The following TRIM71 variants were observed in gnomAD, a reference collection of about 807,000 sequenced individuals.
TRIM71 encodes tripartite motif containing 71.
TRIM71 carries 9 observed loss-of-function variants against 61.2 expected under a neutral mutation model. That is an observed-to-expected ratio of 0.15 (90% CI 0.09 to 0.26). The LOEUF (loss-of-function observed/expected upper bound fraction) is 0.26, where lower values mean the gene tolerates loss of function less well. Ranked by LOEUF, TRIM71 falls within the 10% of genes least tolerant of loss-of-function variation. The probability of loss-of-function intolerance (pLI) is 1.00; values close to 1 mark genes in which losing one functional copy is unlikely to be tolerated. For missense variants in TRIM71, 998 were observed against 1,238.7 expected (o/e 0.81, Z 2.92); for synonymous variants, 645 against 553.2 (o/e 1.17, Z -2.33).
chr3:32,876,115 C>A (rs1696849901), intron 2 of TRIM71, among the ~76,000 whole-genome samples: 1 of 152,164 alleles, frequency 6.6e-6, no homozygotes, highest in Non-Finnish European at 1.5e-5. Context: ...TTGTCAGTGT[C>A]TTCACCTGTG....
In TRIM71 at chr3:32,893,707, T is replaced by C. The variant is rs567752894; in HGVS notation, c.*1896T>C. The C allele has an allele frequency of 6.6e-6, 1 of 152,320 alleles. No individual in the cohort carries two copies. Among genetic ancestry groups the C allele is most frequent in the African/African-American group, 2.4e-5 (1 of 41,578 alleles). 9.4% of individuals were successfully genotyped at this position (152,320 alleles called of 1,614,324 possible). A position where few individuals can be genotyped will look rare whatever the true frequency, so the allele number is the denominator to read the frequency against. On this transcript the variant is annotated 3_prime_UTR_variant, in exon 4 of 4. Transcript: ENST00000383763. ...GAGCAATTTGTTTCTGTTATCCCAA[T>C]AGAAAAGGAGATGATGGGGACAGTG...
Position 32,891,961 on chromosome 3 carries a change from A to G in TRIM71, c.*150A>G. Reference sequence around the variant, plus strand: ...TTTTTTTTTTTTAAAGAGAACAAGAAAAGTACAACATTGCTTAAGTCCTAC... The same window carrying G: ...TTTTTTTTTTTTAAAGAGAACAAGAGAAGTACAACATTGCTTAAGTCCTAC... On this transcript the variant is annotated 3_prime_UTR_variant, in exon 4 of 4. Transcript: ENST00000383763. The surrounding 1 kb of genome is among the most constrained non-coding windows in gnomAD (Gnocchi z 8.2). 3.5e-6 allele frequency: 4 copies of G among 1,138,536 alleles called. No homozygotes were observed. The highest frequency in any genetic ancestry group is 4.8e-6 in the Non-Finnish European group (4 of 837,008). 70.5% of individuals were successfully genotyped at this position (1,138,536 alleles called of 1,614,324 possible).
Position 32,891,881 on chromosome 3 carries a change from T to C in TRIM71, c.*70T>C, listed in dbSNP as rs1697030649. On this transcript the variant is annotated 3_prime_UTR_variant, in exon 4 of 4. Coordinates refer to ENST00000383763, the MANE Select transcript of TRIM71 (RefSeq NM_001039111.3). This position sits in a 1 kb window ranked among gnomAD's most constrained non-coding sequence, Gnocchi z 8.2. ...CTCTCTCTCTCTCTCTCTTTCTCTT[T>C]CTCTCTCTTTTTGAATTTCAAAGAA... 6.9e-7 allele frequency: 1 copy of C among 1,447,412 alleles called. No individual in the cohort carries two copies. Among genetic ancestry groups the C allele is most frequent in the South Asian group, 1.3e-5 (1 of 76,430 alleles). The allele number at this position is 1,447,412 out of a possible 1,614,324, so 89.7% of individuals were successfully genotyped here. A position where few individuals can be genotyped will look rare whatever the true frequency, so the allele number is the denominator to read the frequency against.
At chr3:32,834,138 C>A (rs913542945) in intron 1 of TRIM71, among the ~76,000 whole-genome samples, 2 of 152,192 alleles carry the variant, frequency 1.3e-5, no homozygotes, top group African/African-American at 2.4e-5. Context: ...CTCAGAGTTA[C>A]CTCCATGTGT....
intron 3 of TRIM71, among the ~76,000 whole-genome samples, chr3:32,886,364 C>T (rs949898305): frequency 1.3e-5 from 2 of 152,138 alleles, no homozygotes; most frequent in Admixed American, 6.5e-5. Context: ...GGAGCATAGT[C>T]GAAACTGTTG....
intron 1 of TRIM71, among the ~76,000 whole-genome samples, chr3:32,843,440 G>A (rs1008290565): frequency 6.6e-6 from 1 of 152,118 alleles, no homozygotes; most frequent in East Asian, 1.9e-4. Context: ...CAGGGGCCTC[G>A]AAGTAAGGGA....
chr3:32,846,952 G>C (rs1453265803), intron 1 of TRIM71, among the ~76,000 whole-genome samples: 1 of 152,026 alleles, frequency 6.6e-6, no homozygotes, highest in Non-Finnish European at 1.5e-5. Context: ...GTGAATATGA[G>C]AGGACAGATA....
chr3:32,890,822 G>T lies in TRIM71; in HGVS notation c.1618G>T (p.Val540Leu), dbSNP rs1234283216. ...GPDGNLFGAE[V>L]SDQQNGTYVV... is the part of the protein sequence containing the mutation. ...TGATGGCAACCTGTTTGGTGCAGAG[G>T]TGAGTGATCAGCAGAATGGGACATA... Residue 540 changes from valine to leucine, a missense_variant, in exon 4 of 4, where the codon GTG becomes TTG. Coordinates refer to ENST00000383763, the MANE Select transcript of TRIM71 (RefSeq NM_001039111.3). The surrounding 1 kb of genome is among the most constrained non-coding windows in gnomAD (Gnocchi z 6.2). 1 of 1,614,214 alleles carries T rather than the reference G, an allele frequency of 6.2e-7. No homozygotes were observed.
intron 1 of TRIM71, among the ~76,000 whole-genome samples, chr3:32,872,011 G>A (rs553815263): frequency 6.6e-6 from 1 of 152,164 alleles, no homozygotes; most frequent in African/African-American, 2.4e-5. Flanking sequence ...GGGCGTGGTG[G>A]CAGGCACCTT....
At chr3:32,848,598 G>T (rs141150007) in intron 1 of TRIM71, among the ~76,000 whole-genome samples, 1 of 152,054 alleles carries the variant, frequency 6.6e-6, no homozygotes, top group African/African-American at 2.4e-5. Flanking sequence ...TTTGGGAAAC[G>T]AGGCTCAAAA....
In TRIM71 at chr3:32,818,403, C is replaced by T; in HGVS notation, c.323C>T (p.Ala108Val). 6.8e-7 allele frequency: 1 copy of T among 1,478,120 alleles called. No homozygotes were observed. Among genetic ancestry groups the T allele is most frequent in the Non-Finnish European group, 8.9e-7 (1 of 1,118,856 alleles). 91.6% of individuals were successfully genotyped at this position (1,478,120 alleles called of 1,614,324 possible). ...CTAGCCGAGGCGGCGGGTATGGACG[C>T]GCTGCCTTCGTCCGCCTTCCTGCTT... ...VVLAEAAGMD[A>V]LPSSAFLLSN... Residue 108 changes from alanine (A) to valine (V), a missense_variant, in exon 1 of 4, where the codon GCG becomes GTG. By Grantham distance (64) the Ala-to-Val change is moderately conservative (BLOSUM62 0). Around this residue, in one of 5 missense-constraint regions of TRIM71, gnomAD observed 527 missense variants for 427.8 expected, o/e 1.23. Coordinates refer to ENST00000383763, the MANE Select transcript of TRIM71 (RefSeq NM_001039111.3).
chr3:32,833,634 T>A (rs929541956), intron 1 of TRIM71, among the ~76,000 whole-genome samples: 39 of 146,788 alleles, frequency 2.7e-4, no homozygotes, highest in South Asian at 1.1e-3. Flanking sequence ...GAGAATGCTT[T>A]TTTATTTATT....
At chr3:32,822,743 C>T (rs934994896) in intron 1 of TRIM71, among the ~76,000 whole-genome samples, 3 of 152,142 alleles carry the variant, frequency 2.0e-5, no homozygotes, top group African/African-American at 7.2e-5. Flanking sequence ...ACTTACACTG[C>T]ATGTCGAAGT....
rs758675755 is a variant in TRIM71 at position 32,818,857 on chromosome 3, C to G, written c.777C>G (p.Pro259=). 6 of 1,612,344 alleles carry G rather than the reference C, an allele frequency of 3.7e-6. No homozygotes were observed. Among genetic ancestry groups the G allele is most frequent in the Middle Eastern group, 1.7e-4 (1 of 6,052 alleles). ...CGCAGCAGCTCGGGCTCGGGCCGCC[C>G]TTTCCCGGCCCGCCCTTCTCCATCC... ...AAAQQLGLGP[P]FPGPPFSILS... Residue 259 remains proline, a synonymous_variant, in exon 1 of 4, where the codon CCC becomes CCG. Transcript: ENST00000383763.
rs111235382 is a variant in TRIM71 at position 32,831,323 on chromosome 3, A to G, written c.852+12391A>G. Among the ~76,000 whole-genome samples the G allele has an allele frequency of 3.7e-3, 556 of 152,202 alleles. 6 individuals are homozygous for G. Among genetic ancestry groups the G allele is most frequent in the African/African-American group, 0.012 (500 of 41,530 alleles). ...ACTGACTTGATTTCTGACCGTTAAG[A>G]TGGGAGTGATAGAGGTGGCTACATC... On this transcript the variant is annotated intron_variant, in intron 1 of 3. Coordinates refer to ENST00000383763, the MANE Select transcript of TRIM71 (RefSeq NM_001039111.3).
chr3:32,847,188 C>A (rs1003927930), intron 1 of TRIM71, among the ~76,000 whole-genome samples: 3 of 136,620 alleles, frequency 2.2e-5, no homozygotes, highest in African/African-American at 5.5e-5. Context: ...CCAGGTCCAG[C>A]AATTTTTTTT....
At chr3:32,868,496 C>T (rs1377962948) in intron 1 of TRIM71, among the ~76,000 whole-genome samples, 1 of 152,154 alleles carries the variant, frequency 6.6e-6, no homozygotes, top group African/African-American at 2.4e-5. Context: ...AGTTGTGGTA[C>T]ATTCATATAG....
chr3:32,836,648 T>A lies in TRIM71; in HGVS notation c.852+17716T>A, dbSNP rs137887385. Among the ~76,000 whole-genome samples the A allele has an allele frequency of 7.5e-3, 1,142 of 152,356 alleles. 17 individuals are homozygous for A. Among genetic ancestry groups the A allele is most frequent in the African/African-American group, 0.026 (1,079 of 41,578 alleles). On this transcript the variant is annotated intron_variant, in intron 1 of 3. Coordinates refer to ENST00000383763, the MANE Select transcript of TRIM71 (RefSeq NM_001039111.3). ...TTTAGAACAAATAACGAGCCTAATG[T>A]TCTGTCTGTTAGTGAATGGTTTCTT...
intron 1 of TRIM71, among the ~76,000 whole-genome samples, chr3:32,840,400 G>C (rs1352625160): frequency 6.6e-6 from 1 of 152,110 alleles, no homozygotes; most frequent in African/African-American, 2.4e-5. Flanking sequence ...TACATAACAT[G>C]AATACAAAGA....
Sources: allele counts gnomAD v4.1 joint callset (sites outside exome capture counted in the v4.1 genomes callset), GRCh38; gene constraint gnomAD v4.1.1; regional missense constraint gnomAD v4.1.1; non-coding constraint Gnocchi (gnomAD v3.1); transcripts MANE v1.5; gene names NCBI Gene and HGNC (gene_info 2026-07-23, HGNC 2026-07-21).